The following EIF5B variants were observed in gnomAD, a reference collection of about 807,000 sequenced individuals.
The protein encoded by EIF5B is eukaryotic translation initiation factor 5B, also known as eIF-5B.
A neutral mutation model predicts 147.5 loss-of-function variants in EIF5B; 47 were observed. The ratio of observed to expected loss-of-function variants is 0.32; its 90% CI spans 0.25 to 0.41. EIF5B has a LOEUF of 0.41. Among genes scored for constraint, EIF5B ranks in the 10% least tolerant of loss-of-function variants. The probability of loss-of-function intolerance (pLI) is 1.00; values close to 1 mark genes in which losing one functional copy is unlikely to be tolerated. For synonymous variants in EIF5B, 455 were observed against 456.2 expected (o/e 1.00, Z 0.03); for missense variants, 1,064 against 1,413.2 (o/e 0.75, Z 3.96).
intron 1 of EIF5B, among the ~76,000 whole-genome samples, chr2:99,356,435 TTTAC>T (rs1273820194): frequency 6.6e-6 from 1 of 152,218 alleles, no homozygotes; most frequent in Non-Finnish European, 1.5e-5. Context: ...TCCCCATTTA[TTTAC>T]TTAATCATTT....
intron 1 of EIF5B, among the ~76,000 whole-genome samples, chr2:99,338,576 C>A (rs945529083): frequency 6.6e-6 from 1 of 152,176 alleles, no homozygotes; most frequent in African/African-American, 2.4e-5. Context: ...GGATCGTTTT[C>A]TCACCTAGCG....
chr2:99,367,431 C>CTTTTTTTTTTTTTTTTTTTTTT (rs139007055), intron 6 of EIF5B, among the ~76,000 whole-genome samples: 1 of 143,758 alleles, frequency 7.0e-6, no homozygotes, highest in Non-Finnish European at 1.5e-5. Context: ...AGTTGAAACT[C>CTTTTTTTTTTTTTTTTTTTTTT]TTTTTTTTTT....
In EIF5B at chr2:99,394,753, G is replaced by A. The variant is rs1675008956; in HGVS notation, c.3124G>A (p.Glu1042Lys). ...AATTTTGGCCTTCGATGTGAGAATT[G>A]AACGAGATGCACAAGAAATGGCTGA... Reference protein sequence around the residue: ...AVILAFDVRIERDAQEMADSL... With the variant: ...AVILAFDVRIKRDAQEMADSL... The change falls in exon 21 of 24, where the codon GAA becomes AAA. Residue 1042 changes from glutamate to lysine, a missense_variant. Glu to Lys is a moderately conservative substitution (Grantham distance 56). Transcript: ENST00000289371. 6.2e-7 allele frequency: 1 copy of A among 1,612,462 alleles called. No homozygotes were observed. Among genetic ancestry groups the A allele is most frequent in the African/African-American group, 1.3e-5 (1 of 74,828 alleles).
intron 4 of EIF5B, among the ~76,000 whole-genome samples, chr2:99,362,926 T>G (rs1195897334): frequency 6.6e-6 from 1 of 151,684 alleles, no homozygotes; most frequent in Non-Finnish European, 1.5e-5. Flanking sequence ...GCCCGGCTAA[T>G]TTTTGTATTT....
intron 1 of EIF5B, among the ~76,000 whole-genome samples, chr2:99,345,454 T>C (rs2094270633): frequency 6.6e-6 from 1 of 151,586 alleles, no homozygotes; most frequent in South Asian, 2.1e-4. Context: ...ATTAGCCAGG[T>C]GTGGTGGTGC....
chr2:99,384,397 G>A lies in EIF5B; in HGVS notation c.2271+1476G>A, dbSNP rs554726361. 2.6e-5 allele frequency among the ~76,000 whole-genome samples: 4 copies of A among 152,266 alleles called. No homozygotes were observed. In the East Asian group the frequency reaches 7.7e-4, roughly 29 times the overall value. ...ACCTGATTACCCAAGCTCTGATGGA[G>A]ACACACAAGGAGATTAATGTTGTTT... On this transcript the variant is annotated intron_variant, in intron 14 of 23. Transcript: ENST00000289371.
At chr2:99,364,741 C>G (rs1674292727) in intron 6 of EIF5B, among the ~76,000 whole-genome samples, 1 of 152,146 alleles carries the variant, frequency 6.6e-6, no homozygotes, top group Non-Finnish European at 1.5e-5. Flanking sequence ...ATTTGACATT[C>G]TTGTTTTGTA....
chr2:99,380,395 T>C (rs1369217983), intron 12 of EIF5B, among the ~76,000 whole-genome samples: 2 of 152,168 alleles, frequency 1.3e-5, no homozygotes, highest in African/African-American at 4.8e-5. Context: ...TTTAAACATA[T>C]TTACTGTGCA....
intron 1 of EIF5B, among the ~76,000 whole-genome samples, chr2:99,349,597 A>G (rs1673867515): frequency 6.6e-6 from 1 of 152,198 alleles, no homozygotes; most frequent in African/African-American, 2.4e-5. Context: ...GCCAAACTCC[A>G]AAGTTGAGTA....
In EIF5B at chr2:99,337,394, A is replaced by T. The variant is rs957686711; in HGVS notation, c.-161A>T. 2.0e-5 allele frequency: 17 copies of T among 869,728 alleles called. No homozygotes were observed. The highest frequency in any genetic ancestry group is 2.6e-5 in the Non-Finnish European group (14 of 539,858). 53.9% of individuals were successfully genotyped at this position (869,728 alleles called of 1,614,324 possible). On this transcript the variant is annotated 5_prime_UTR_variant, in exon 1 of 24. Transcript: ENST00000289371. ...CGCTTGCGCACTGAGAACTCACACC[A>T]TATGTGTCCTGTTCCAGTGCGCGGG...
intron 1 of EIF5B, among the ~76,000 whole-genome samples, chr2:99,355,617 T>G (rs1190269468): frequency 2.8e-5 from 4 of 143,068 alleles, no homozygotes; most frequent in African/African-American, 7.7e-5. Flanking sequence ...TGGGTTTTTT[T>G]TTTTTTTTTT....
intron 12 of EIF5B, among the ~76,000 whole-genome samples, chr2:99,380,894 G>A (rs1164388632): frequency 6.6e-6 from 1 of 152,112 alleles, no homozygotes; most frequent in African/African-American, 2.4e-5. Flanking sequence ...CCTTTATACT[G>A]GAAAGTCATT....
chr2:99,370,389 T>C (rs1245595610), intron 8 of EIF5B, among the ~76,000 whole-genome samples: 1 of 152,220 alleles, frequency 6.6e-6, no homozygotes, highest in Non-Finnish European at 1.5e-5. Flanking sequence ...GGGAAAAGCC[T>C]TTACAGAATA....
At chr2:99,346,011 C>G (rs185644816) in intron 1 of EIF5B, among the ~76,000 whole-genome samples, 1 of 151,528 alleles carries the variant, frequency 6.6e-6, no homozygotes, top group Non-Finnish European at 1.5e-5. Context: ...AAGGGAGTTA[C>G]GTTTTAACAT....
intron 1 of EIF5B, among the ~76,000 whole-genome samples, chr2:99,359,026 A>T (rs1253089090): frequency 2.6e-5 from 4 of 152,116 alleles, no homozygotes; most frequent in African/African-American, 9.7e-5. Context: ...TAATCTTTTA[A>T]TTATATTTAT....
chr2:99,352,898 C>CT (rs1302067608), intron 1 of EIF5B, among the ~76,000 whole-genome samples: 1 of 151,254 alleles, frequency 6.6e-6, no homozygotes, highest in Non-Finnish European at 1.5e-5. Context: ...AATCATGGCT[C>CT]ATCATAGCCT....
At chr2:99,382,459 A>T (rs1011508361) in intron 13 of EIF5B, among the ~76,000 whole-genome samples, 2 of 152,216 alleles carry the variant, frequency 1.3e-5, no homozygotes, top group Non-Finnish European at 2.9e-5. Flanking sequence ...AAACATGCTA[A>T]TACATGCCAG....
At chr2:99,339,717 G>GA (rs141213784) in intron 1 of EIF5B, among the ~76,000 whole-genome samples, 75 of 152,114 alleles carry the variant, frequency 4.9e-4, no homozygotes, top group Non-Finnish European at 9.6e-4. Context: ...TTTCACAATA[G>GA]AAAAAAGCCA....
chr2:99,385,939 GC>G (rs2104237741), intron 14 of EIF5B, among the ~76,000 whole-genome samples: 1 of 152,138 alleles, frequency 6.6e-6, no homozygotes, highest in South Asian at 2.1e-4. Flanking sequence ...GACTAGTTTT[GC>G]CTGTTTTATG....
Sources: allele counts gnomAD v4.1 joint callset (sites outside exome capture counted in the v4.1 genomes callset), GRCh38; gene constraint gnomAD v4.1.1; transcripts MANE v1.5; gene names NCBI Gene and HGNC (gene_info 2026-07-23, HGNC 2026-07-21).